The following SSBP2 variants were observed in gnomAD, a reference collection of about 807,000 sequenced individuals.
SSBP2 encodes the protein single stranded DNA binding protein 2.
A neutral mutation model predicts 61.8 loss-of-function variants in SSBP2; 17 were observed. That is an observed-to-expected ratio of 0.28 (90% CI 0.19 to 0.41). The LOEUF is 0.41. SSBP2 is among the 10% of genes least tolerant of loss of function. The probability of loss-of-function intolerance (pLI) is 1.00; values close to 1 mark genes in which losing one functional copy is unlikely to be tolerated. For synonymous variants in SSBP2, 139 were observed against 141.3 expected, an observed-to-expected ratio of 0.98 and a Z score of 0.12; for missense variants, 310 against 458.7, an observed-to-expected ratio of 0.68 and a Z score of 2.96.
intron 1 of SSBP2, among the ~76,000 whole-genome samples, chr5:81,677,355 G>A (rs1752057823): frequency 6.6e-6 from 1 of 152,090 alleles, no homozygotes; most frequent in Non-Finnish European, 1.5e-5. Flanking sequence ...CTCCAAAACT[G>A]AAGAGACAGG....
chr5:81,747,986 A>T (rs1022647350), intron 1 of SSBP2, among the ~76,000 whole-genome samples: 1 of 152,178 alleles, frequency 6.6e-6, no homozygotes, highest in Non-Finnish European at 1.5e-5. Flanking sequence ...TCTTACCCTG[A>T]TCATTTTTAT....
chr5:81,571,897 A>G (rs1773867871), intron 4 of SSBP2, among the ~76,000 whole-genome samples: 1 of 152,168 alleles, frequency 6.6e-6, no homozygotes, highest in Non-Finnish European at 1.5e-5. Context: ...TAGTTTTTAA[A>G]TAACCATGGA....
intron 1 of SSBP2, among the ~76,000 whole-genome samples, chr5:81,671,117 A>C (rs60005403): frequency 0.06 from 9,124 of 152,220 alleles, 401 homozygotes; most frequent in South Asian, 0.12. Flanking sequence ...AATACCACTG[A>C]AGGAAGTGGG....
At chr5:81,513,763 G>A in intron 4 of SSBP2, 46 bp from the exon 5 acceptor site, 1 of 1,287,822 alleles carries the variant, frequency 7.8e-7, no homozygotes, top group Non-Finnish European at 1.1e-6. Flanking sequence ...TACAGAGAAG[G>A]CACAAAACCA....
chr5:81,479,796 TA>T (rs539691626), intron 6 of SSBP2, among the ~76,000 whole-genome samples: 2 of 152,170 alleles, frequency 1.3e-5, no homozygotes, highest in African/African-American at 2.4e-5. Context: ...TTTTTAATGA[TA>T]AAAAACTGAG....
intron 1 of SSBP2, among the ~76,000 whole-genome samples, chr5:81,708,908 T>G (rs1283250727): frequency 6.6e-6 from 1 of 151,918 alleles, no homozygotes; most frequent in Non-Finnish European, 1.5e-5. Context: ...TAAAGACAAT[T>G]AAATCTACTA....
intron 6 of SSBP2, 102 bp downstream of exon 6, chr5:81,489,148 C>T: frequency 9.3e-7 from 1 of 1,072,500 alleles, no homozygotes; most frequent in Non-Finnish European, 1.4e-6. Flanking sequence ...TTAAATGGGA[C>T]AGAAAAAGGA....
chr5:81,493,746 A>C, intron 5 of SSBP2, among the ~76,000 whole-genome samples: 1 of 148,338 alleles, frequency 6.7e-6, no homozygotes, highest in African/African-American at 2.5e-5. Context: ...GCAGGGTGAG[A>C]CTCCATCTCA....
At chr5:81,437,845 GAT>G (rs1171996463) in intron 14 of SSBP2, 1 of 152,382 alleles carries the variant, frequency 6.6e-6, no homozygotes, top group African/African-American at 2.4e-5. Flanking sequence ...CTGTAAATCT[GAT>G]AAAATATAAA....
intron 1 of SSBP2, among the ~76,000 whole-genome samples, chr5:81,680,444 G>A (rs924384925): frequency 6.6e-6 from 1 of 151,220 alleles, no homozygotes; most frequent in African/African-American, 2.4e-5. Flanking sequence ...CGTCAGTGGT[G>A]TAACTACACC....
intron 4 of SSBP2, among the ~76,000 whole-genome samples, chr5:81,584,290 A>T (rs1237459855): frequency 6.6e-6 from 1 of 152,212 alleles, no homozygotes; most frequent in Non-Finnish European, 1.5e-5. Flanking sequence ...TACGCATTAT[A>T]TTTGAAAGAA....
chr5:81,488,840 G>A (rs1265342434), intron 6 of SSBP2, among the ~76,000 whole-genome samples: 1 of 151,672 alleles, frequency 6.6e-6, no homozygotes, highest in Non-Finnish European at 1.5e-5. Flanking sequence ...CTTTAAACGG[G>A]AGGATAATCA....
At chr5:81,444,337 C>T (rs899440740) in intron 12 of SSBP2, among the ~76,000 whole-genome samples, 6 of 152,208 alleles carry the variant, frequency 3.9e-5, no homozygotes, top group African/African-American at 7.2e-5. Flanking sequence ...AACACCTTCT[C>T]AATCTCTATG....
intron 4 of SSBP2, among the ~76,000 whole-genome samples, chr5:81,565,480 A>C (rs1266052911): frequency 3.3e-5 from 5 of 152,190 alleles, no homozygotes; most frequent in Non-Finnish European, 1.5e-5. Context: ...TGACGTGCCA[A>C]AACATACATA....
chr5:81,549,929 T>C (rs1772041696), intron 4 of SSBP2, among the ~76,000 whole-genome samples: 2 of 152,228 alleles, frequency 1.3e-5, no homozygotes, highest in Non-Finnish European at 2.9e-5. Flanking sequence ...GATTTTGGTA[T>C]ATCCCTTCTC....
intron 5 of SSBP2, among the ~76,000 whole-genome samples, chr5:81,492,618 CT>C: frequency 6.6e-6 from 1 of 150,920 alleles, no homozygotes; most frequent in Non-Finnish European, 1.5e-5. Context: ...GTAACAAATA[CT>C]TGTTTGAAGG....
intron 3 of SSBP2, among the ~76,000 whole-genome samples, chr5:81,625,493 A>G: frequency 1.3e-5 from 2 of 152,178 alleles, no homozygotes; most frequent in Admixed American, 1.3e-4. Context: ...AGTTTTATAC[A>G]CTCTTTATTC....
At chr5:81,550,838 T>C (rs760231653) in intron 4 of SSBP2, among the ~76,000 whole-genome samples, 4 of 152,208 alleles carry the variant, frequency 2.6e-5, no homozygotes, top group Non-Finnish European at 5.9e-5. Flanking sequence ...GGCTCACACC[T>C]GTAATCCCAG....
At chr5:81,725,735 A>C (rs1388821813) in intron 1 of SSBP2, among the ~76,000 whole-genome samples, 1 of 152,150 alleles carries the variant, frequency 6.6e-6, no homozygotes. Context: ...TTTGGCACTG[A>C]AATACAGTTT....
Sources: allele counts gnomAD v4.1 joint callset (sites outside exome capture counted in the v4.1 genomes callset), GRCh38; gene constraint gnomAD v4.1.1; transcripts MANE v1.5; gene names NCBI Gene and HGNC (gene_info 2026-07-23, HGNC 2026-07-21).